DDHD1: variants seen among roughly 807,000 people sequenced by gnomAD.
DDHD1 encodes the protein phospholipase DDHD1.
DDHD1 carries 49 observed loss-of-function variants against 96.4 expected under a neutral mutation model. That is an observed-to-expected ratio of 0.51 (90% CI 0.40 to 0.64). DDHD1 has a LOEUF of 0.64. Ranked by LOEUF, DDHD1 falls within the 30% of genes least tolerant of loss-of-function variation. The probability of loss-of-function intolerance (pLI) is 0.00; values close to 1 mark genes in which losing one functional copy is unlikely to be tolerated. For synonymous variants in DDHD1, 442 were observed against 446.5 expected, an observed-to-expected ratio of 0.99 and a Z score of 0.13; for missense variants, 1,106 against 1,161.2, an observed-to-expected ratio of 0.95 and a Z score of 0.69.
intron 6 of DDHD1, among the ~76,000 whole-genome samples, chr14:53,070,402 T>C (rs182264514): frequency 1.7e-4 from 26 of 152,300 alleles, no homozygotes; most frequent in African/African-American, 4.8e-4. Flanking sequence ...TCCTGTATCA[T>C]CCATAACAAA....
chr14:53,153,026 C>T lies in DDHD1; in HGVS notation c.73G>A (p.Glu25Lys). ...NGRGGGGGAW[E>K]LGSDARPAFG... is the part of the protein sequence containing the mutation. ...GCTGGCCTCGCGTCTGAGCCCAGCT[C>T]CCAGGCGCCGCCGCCGCCGCCTCGG... The change falls in exon 1 of 13, where the codon GAG becomes AAG. Residue 25 changes from glutamate to lysine, a missense_variant. Glu to Lys is a moderately conservative substitution (Grantham distance 56). Around this residue, in one of 2 missense-constraint regions of DDHD1, gnomAD observed 456 missense variants for 402.4 expected, o/e 1.13. Transcript: ENST00000673822. 1 of 1,503,062 alleles carries T rather than the reference C, an allele frequency of 6.7e-7. No homozygotes were observed. The allele number at this position is 1,503,062 out of a possible 1,614,324, so 93.1% of individuals were successfully genotyped here.
intron 4 of DDHD1, among the ~76,000 whole-genome samples, chr14:53,088,827 C>T (rs1886200728): frequency 6.6e-6 from 1 of 152,138 alleles, no homozygotes; most frequent in Admixed American, 6.5e-5. Flanking sequence ...CCAGGGCAAT[C>T]AGGCAGGAGA....
rs539740524 is a variant in DDHD1, at chr14:53,112,464, G to C, written c.839-8608C>G. Among the ~76,000 whole-genome samples the C allele has an allele frequency of 2.6e-5, 4 of 151,378 alleles. No homozygotes were observed. In the South Asian group the frequency reaches 8.3e-4, roughly 32 times the overall value. On this transcript the variant is annotated intron_variant, in intron 1 of 12. Transcript: ENST00000673822. ...GTTTAATGTGACATGAATTGAGCTA[G>C]GTAAAATTAATTGCTATATCAAAGC...
At chr14:53,134,747 G>C (rs1294281568) in intron 1 of DDHD1, among the ~76,000 whole-genome samples, 1 of 152,042 alleles carries the variant, frequency 6.6e-6, no homozygotes, top group Non-Finnish European at 1.5e-5. Context: ...GAACCCCCTT[G>C]GGCACTCTCT....
intron 6 of DDHD1, among the ~76,000 whole-genome samples, chr14:53,070,304 G>T (rs1393880839): frequency 6.6e-6 from 1 of 152,086 alleles, no homozygotes; most frequent in Non-Finnish European, 1.5e-5. Context: ...ACAAAAATCT[G>T]GTTCCCTTTC....
At chr14:53,145,071 A>G (rs1174727708) in intron 1 of DDHD1, among the ~76,000 whole-genome samples, 1 of 152,126 alleles carries the variant, frequency 6.6e-6, no homozygotes, top group East Asian at 1.9e-4. Context: ...AATTTTTTGA[A>G]CCTGGGAGGT....
intron 4 of DDHD1, among the ~76,000 whole-genome samples, chr14:53,082,038 A>G (rs1302363515): frequency 6.6e-6 from 1 of 152,210 alleles, no homozygotes; most frequent in Non-Finnish European, 1.5e-5. Context: ...TAAATATCTC[A>G]TAAGAACTAC....
At chr14:53,102,853 T>G (rs969809955) in intron 2 of DDHD1, among the ~76,000 whole-genome samples, 1 of 151,992 alleles carries the variant, frequency 6.6e-6, no homozygotes, top group African/African-American at 2.4e-5. Context: ...GTTTTTCTGC[T>G]TTAGAGATGT....
chr14:53,075,238 C>T (rs1164087133), intron 4 of DDHD1, among the ~76,000 whole-genome samples: 1 of 152,150 alleles, frequency 6.6e-6, no homozygotes, highest in Non-Finnish European at 1.5e-5. Flanking sequence ...CCTCTTGCAC[C>T]AGGTAGCCAA....
At chr14:53,097,449 C>T (rs552485618) in intron 2 of DDHD1, among the ~76,000 whole-genome samples, 3 of 151,918 alleles carry the variant, frequency 2.0e-5, no homozygotes, top group Non-Finnish European at 4.4e-5. Flanking sequence ...AAAATGACAA[C>T]TGATGCAATT....
chr14:53,075,207 C>T (rs1725991954), intron 4 of DDHD1, among the ~76,000 whole-genome samples: 1 of 152,064 alleles, frequency 6.6e-6, no homozygotes, highest in Admixed American at 6.6e-5. Flanking sequence ...ATGTCAAAAG[C>T]CAAGCATGCC....
rs997060853 is a variant in DDHD1 at position 53,040,838 on chromosome 14, A to C, written c.*5930T>G. On this transcript the variant is annotated 3_prime_UTR_variant, in exon 13 of 13. Transcript: ENST00000673822. ...TTTAGTAGTGTTAGAGAGAGTGAAC[A>C]TAAGAAGTCATAGGAGCTGAAAGAA... is the stretch of plus-strand genomic sequence containing the variant. 6.6e-6 allele frequency: 1 copy of C among 152,170 alleles called. No individual in the cohort carries two copies. Among genetic ancestry groups the C allele is most frequent in the African/African-American group, 2.4e-5 (1 of 41,444 alleles). 9.4% of individuals were successfully genotyped at this position (152,170 alleles called of 1,614,324 possible).
At chr14:53,084,463 C>G (rs1885752536) in intron 4 of DDHD1, among the ~76,000 whole-genome samples, 2 of 152,068 alleles carry the variant, frequency 1.3e-5, no homozygotes, top group South Asian at 4.1e-4. Context: ...CCTAGATATT[C>G]AAGCAAAATA....
chr14:53,051,688 A>G (rs1882584413), intron 12 of DDHD1, among the ~76,000 whole-genome samples, 156 bp downstream of exon 12: 1 of 151,990 alleles, frequency 6.6e-6, no homozygotes, highest in South Asian at 2.1e-4. Context: ...TTAAGACTAG[A>G]AAATATGGGA....
intron 1 of DDHD1, among the ~76,000 whole-genome samples, chr14:53,151,952 G>A (rs1329736578): frequency 6.6e-6 from 1 of 152,184 alleles, no homozygotes; most frequent in East Asian, 1.9e-4. Flanking sequence ...GTAGGATCAC[G>A]AAATTAAACC....
chr14:53,103,674 T>C lies in DDHD1; in HGVS notation c.1012+9A>G. On this transcript the variant is annotated intron_variant, in intron 2 of 12. Transcript: ENST00000673822. Reference sequence around the variant, plus strand: ...TGTAGAATATATTAAATGTATCAATTGATCTTACCATCTTTTCCATCTATG... The same window carrying C: ...TGTAGAATATATTAAATGTATCAATCGATCTTACCATCTTTTCCATCTATG... 1 of 1,601,590 alleles carries C rather than the reference T, an allele frequency of 6.2e-7. No individual in the cohort carries two copies. The highest frequency in any genetic ancestry group is 8.5e-7 in the Non-Finnish European group (1 of 1,174,912).
chr14:53,092,154 A>T (rs1886481977), intron 3 of DDHD1: 1 of 354,812 alleles, frequency 2.8e-6, no homozygotes, highest in Non-Finnish European at 5.0e-6. Flanking sequence ...AAAGAAATGG[A>T]AGGAAAGAAG....
chr14:53,121,118 C>G (rs773894353), intron 1 of DDHD1, among the ~76,000 whole-genome samples: 1 of 151,826 alleles, frequency 6.6e-6, no homozygotes, highest in Non-Finnish European at 1.5e-5. Flanking sequence ...AAAAAGTGGG[C>G]AAAGGATATT....
chr14:53,107,386 T>C (rs1019615898), intron 1 of DDHD1, among the ~76,000 whole-genome samples: 19 of 152,172 alleles, frequency 1.2e-4, no homozygotes, highest in Admixed American at 2.6e-4. Flanking sequence ...AATGGACCAG[T>C]GGCATAAACA....
Sources: allele counts gnomAD v4.1 joint callset (sites outside exome capture counted in the v4.1 genomes callset), GRCh38; gene constraint gnomAD v4.1.1; regional missense constraint gnomAD v4.1.1; transcripts MANE v1.5; gene names NCBI Gene and HGNC (gene_info 2026-07-23, HGNC 2026-07-21).